LINGO2: variants seen among roughly 807,000 people sequenced by gnomAD.
LINGO2 encodes the protein leucine-rich repeat and immunoglobulin-like domain-containing nogo receptor-interacting protein 2.
Under a neutral mutation model 30.6 loss-of-function variants are expected in LINGO2, and 14 were observed. That is an observed-to-expected ratio of 0.46 (90% CI 0.30 to 0.72). LINGO2 has a LOEUF of 0.72. Among genes scored for constraint, LINGO2 ranks in the 30% least tolerant of loss-of-function variants. The pLI is 0.07. For missense variants in LINGO2, 729 were observed against 751.7 expected (o/e 0.97, Z 0.35); for synonymous variants, 317 against 288.5 (o/e 1.10, Z -1.00).
At position 28,329,770 on chromosome 9, in the gene LINGO2, C is replaced by G. The variant is rs189607499; in HGVS notation, c.-245-34404G>C. On this transcript the variant is annotated intron_variant, in intron 3 of 5. Coordinates refer to ENST00000379992, the Ensembl canonical transcript of LINGO2. The surrounding 1 kb of genome is among the most constrained non-coding windows in gnomAD (Gnocchi z 4.5). Reference sequence around the variant, plus strand: ...ACAGGCATGACCTTTTCCATGCAGACCATCCTGACCCCACCCTGAATTAGA... The same window carrying G: ...ACAGGCATGACCTTTTCCATGCAGAGCATCCTGACCCCACCCTGAATTAGA... Among the ~76,000 whole-genome samples, 111 of 152,226 alleles carry G rather than the reference C, an allele frequency of 7.3e-4. No individual in the cohort carries two copies. Among genetic ancestry groups the G allele is most frequent in the African/African-American group, 2.5e-3 (105 of 41,530 alleles).
rs117308409 is a variant in LINGO2 at position 28,467,492 on chromosome 9, A to G, written c.-279+8448T>C. Among the ~76,000 whole-genome samples the G allele has an allele frequency of 6.0e-3, 907 of 152,266 alleles. 32 individuals are homozygous for G. The highest frequency in any genetic ancestry group is 0.05 in the East Asian group (260 of 5,164). ...TAGTCATTGGAATTCTTCTTTGTTAATGCTGAAATCATATATCTAAAATGA... is the reference window on the plus strand; with the variant it reads ...TAGTCATTGGAATTCTTCTTTGTTAGTGCTGAAATCATATATCTAAAATGA... On this transcript the variant is annotated intron_variant, in intron 2 of 5. Transcript: ENST00000379992.
the LINGO2 span, among the ~76,000 whole-genome samples, chr9:28,825,692 T>A: frequency 6.6e-6 from 1 of 152,102 alleles, no homozygotes; most frequent in Non-Finnish European, 1.5e-5. Context: ...TCCCAAATAT[T>A]TGGTACACTT....
At chr9:28,466,413 T>C (rs1054268111) in intron 2 of LINGO2, among the ~76,000 whole-genome samples, 7 of 151,974 alleles carry the variant, frequency 4.6e-5, no homozygotes, top group Non-Finnish European at 1.0e-4. Flanking sequence ...AGGATAAAAA[T>C]TAAAATAGTT....
the LINGO2 span, among the ~76,000 whole-genome samples, chr9:28,843,558 C>T: frequency 1.3e-5 from 2 of 151,574 alleles, no homozygotes; most frequent in African/African-American, 2.4e-5. Flanking sequence ...TTGAAAAATC[C>T]GCATGAGGCA....
chr9:28,659,419 C>A (rs369649595), intron 1 of LINGO2, among the ~76,000 whole-genome samples: 8 of 151,914 alleles, frequency 5.3e-5, no homozygotes, highest in African/African-American at 1.7e-4. Context: ...ACAGCAATAG[C>A]TTGACAGCTG....
intron 1 of LINGO2, among the ~76,000 whole-genome samples, chr9:28,498,639 C>G (rs1306929502): frequency 2.0e-5 from 3 of 152,132 alleles, no homozygotes; most frequent in African/African-American, 7.2e-5. Context: ...CTTCCGCTCA[C>G]ACTCGGTGGG....
chr9:29,054,174 AT>A, the LINGO2 span, among the ~76,000 whole-genome samples: 1 of 152,144 alleles, frequency 6.6e-6, no homozygotes. Context: ...TATTTTATGT[AT>A]TTCTAGAAAA....
the LINGO2 span, among the ~76,000 whole-genome samples, chr9:28,803,616 A>T: frequency 1.3e-5 from 2 of 152,010 alleles, no homozygotes; most frequent in Non-Finnish European, 1.5e-5. Flanking sequence ...GGGTCAGTGA[A>T]TTTCCTAAAG....
At chr9:27,980,359 TTTTCCAGAAAAAC>T (rs1295482144) in intron 5 of LINGO2, among the ~76,000 whole-genome samples, 3 of 152,018 alleles carry the variant, frequency 2.0e-5, no homozygotes, top group Middle Eastern at 3.4e-3. Flanking sequence ...GAGGCCCTGA[TTTTCCAGAAAAAC>T]TTTCCAGAAA....
At chr9:28,124,154 C>T (rs145303868) in intron 4 of LINGO2, among the ~76,000 whole-genome samples, 6 of 152,268 alleles carry the variant, frequency 3.9e-5, no homozygotes, top group African/African-American at 1.4e-4. Flanking sequence ...GAAGCATTTG[C>T]TTGGTGGTAG....
chr9:28,872,715 T>C, the LINGO2 span, among the ~76,000 whole-genome samples: 3 of 152,094 alleles, frequency 2.0e-5, no homozygotes, highest in Admixed American at 2.0e-4. Context: ...AGTTCTTAGA[T>C]GTATTAAGAG....
rs563071907 is a variant in LINGO2 at position 28,335,002 on chromosome 9, C to T, written c.-246+37834G>A. Among the ~76,000 whole-genome samples the T allele has an allele frequency of 2.0e-5, 3 of 152,246 alleles. No individual in the cohort carries two copies. In the East Asian group the frequency reaches 5.8e-4, roughly 29 times the overall value. On this transcript the variant is annotated intron_variant, in intron 3 of 5. Transcript: ENST00000379992. ...GAGGCCAGGGTTAGAAATTAAGTTA[C>T]TTTAGAGATAATAGAAATGTGATGT...
the LINGO2 span, among the ~76,000 whole-genome samples, chr9:28,991,174 G>C: frequency 1.3e-5 from 2 of 152,118 alleles, no homozygotes; most frequent in South Asian, 4.2e-4. Flanking sequence ...GCTTAAAGGA[G>C]CTGATGGAGC....
the LINGO2 span, among the ~76,000 whole-genome samples, chr9:29,073,224 G>A: frequency 6.6e-6 from 1 of 151,880 alleles, no homozygotes; most frequent in African/African-American, 2.4e-5. Context: ...AATTAACATG[G>A]AAATATGTTT....
chr9:28,403,726 T>A (rs905466098), intron 2 of LINGO2, among the ~76,000 whole-genome samples: 1 of 151,756 alleles, frequency 6.6e-6, no homozygotes, highest in African/African-American at 2.4e-5. Context: ...GAAACTTTAA[T>A]CTAGTTTGGC....
chr9:28,429,396 A>C (rs910710099), intron 2 of LINGO2, among the ~76,000 whole-genome samples: 2 of 152,186 alleles, frequency 1.3e-5, no homozygotes, highest in African/African-American at 4.8e-5. Context: ...TTAGTCCCAA[A>C]GATATTCCCT....
intron 3 of LINGO2, among the ~76,000 whole-genome samples, chr9:28,295,616 G>T (rs1823894434): frequency 6.6e-6 from 1 of 152,120 alleles, no homozygotes; most frequent in South Asian, 2.1e-4. Flanking sequence ...AGTTATTAAT[G>T]AACATTATTG....
At chr9:28,987,429 C>T in the LINGO2 span, among the ~76,000 whole-genome samples, 5 of 151,838 alleles carry the variant, frequency 3.3e-5, no homozygotes, top group Non-Finnish European at 5.9e-5. Flanking sequence ...TTTGAATCTT[C>T]TCTATTTTTT....
At chr9:28,026,047 C>A (rs1283727244) in intron 4 of LINGO2, among the ~76,000 whole-genome samples, 1 of 152,190 alleles carries the variant, frequency 6.6e-6, no homozygotes, top group African/African-American at 2.4e-5. Flanking sequence ...CCTTTACTTA[C>A]TGTGTTCTAG....
Sources: allele counts gnomAD v4.1 joint callset (sites outside exome capture counted in the v4.1 genomes callset), GRCh38; gene constraint gnomAD v4.1.1; non-coding constraint Gnocchi (gnomAD v3.1); transcripts MANE v1.5; gene names NCBI Gene and HGNC (gene_info 2026-07-23, HGNC 2026-07-21).